Variants in RANBP10 observed in about 807,000 individuals in gnomAD.
The protein encoded by RANBP10 is ran-binding protein 10.
A neutral mutation model predicts 72.8 loss-of-function variants in RANBP10; 24 were observed. The observed-to-expected ratio is 0.33, with a 90% CI of 0.24 to 0.46. The LOEUF (loss-of-function observed/expected upper bound fraction) is 0.46, where lower values mean the gene tolerates loss of function less well. Among genes scored for constraint, RANBP10 ranks in the 20% least tolerant of loss-of-function variants. RANBP10 has a pLI of 1.00. For synonymous variants in RANBP10, 310 were observed against 322.3 expected (o/e 0.96, Z 0.41); for missense variants, 679 against 817.5 (o/e 0.83, Z 2.07).
At chr16:67,804,782 G>A (rs2055308630) in intron 2 of RANBP10, among the ~76,000 whole-genome samples, 1 of 152,088 alleles carries the variant, frequency 6.6e-6, no homozygotes, top group Admixed American at 6.6e-5. Context: ...GCCCATCTTA[G>A]CCTCCCAAAT....
At chr16:67,767,453 T>TAAAAAAAA (rs2054524233) in intron 3 of RANBP10, among the ~76,000 whole-genome samples, 1 of 62,978 alleles carries the variant, frequency 1.6e-5, no homozygotes, top group African/African-American at 1.2e-4. Context: ...AGACCCTGTT[T>TAAAAAAAA]CAAAAAAAAA....
At chr16:67,761,222 T>TATGGGCAA (rs1056668921) in intron 3 of RANBP10, among the ~76,000 whole-genome samples, 26 of 152,174 alleles carry the variant, frequency 1.7e-4, no homozygotes, top group African/African-American at 6.3e-4. Flanking sequence ...CCATGCAAAC[T>TATGGGCAA]AAGACATGCC....
chr16:67,759,632 C>A (rs118190610), intron 3 of RANBP10: 1 of 152,274 alleles, frequency 6.6e-6, no homozygotes, highest in African/African-American at 2.4e-5. Flanking sequence ...ACAGCAGACC[C>A]CTGTGAAGTA....
chr16:67,745,690 G>GC (rs1436220578), intron 3 of RANBP10, among the ~76,000 whole-genome samples: 1 of 145,834 alleles, frequency 6.9e-6, no homozygotes, highest in Non-Finnish European at 1.5e-5. Context: ...GTATACAGTT[G>GC]CATTACCACC....
At chr16:67,738,350 C>T (rs1192363135) in intron 4 of RANBP10, among the ~76,000 whole-genome samples, 1 of 151,280 alleles carries the variant, frequency 6.6e-6, no homozygotes, top group East Asian at 2.0e-4. Context: ...GTTGGCCAGG[C>T]TGGTCTTGAA....
intron 3 of RANBP10, among the ~76,000 whole-genome samples, chr16:67,757,076 C>T (rs1387971108): frequency 5.3e-5 from 8 of 150,960 alleles, no homozygotes; most frequent in Non-Finnish European, 1.0e-4. Flanking sequence ...GGCGTGGTGG[C>T]GCGTGCCTGT....
chr16:67,736,096 G>A (rs2053840874), intron 5 of RANBP10, among the ~76,000 whole-genome samples: 1 of 151,788 alleles, frequency 6.6e-6, no homozygotes, highest in Admixed American at 6.6e-5. Context: ...ACTGCAGATG[G>A]TCTTCCCAGG....
chr16:67,783,179 C>G (rs985352561), intron 2 of RANBP10, among the ~76,000 whole-genome samples: 2 of 152,176 alleles, frequency 1.3e-5, no homozygotes, highest in Non-Finnish European at 2.9e-5. Flanking sequence ...AGAGCACACA[C>G]GCAGGAGACC....
intron 13 of RANBP10, among the ~76,000 whole-genome samples, chr16:67,726,799 C>T (rs1221325613): frequency 1.3e-5 from 2 of 152,228 alleles, no homozygotes; most frequent in African/African-American, 4.8e-5. Context: ...TGGCCTAGGA[C>T]CCATCATGAA....
intron 3 of RANBP10, among the ~76,000 whole-genome samples, chr16:67,759,152 C>T (rs1411555683): frequency 2.0e-5 from 3 of 152,240 alleles, no homozygotes; most frequent in Admixed American, 1.3e-4. Flanking sequence ...CTGTTCTGGA[C>T]GGCCCTGGAA....
At chr16:67,731,149 T>C (rs2053722017) in intron 7 of RANBP10, 1 of 293,476 alleles carries the variant, frequency 3.4e-6, no homozygotes, top group Non-Finnish European at 6.6e-6. Flanking sequence ...GAACAGGAGG[T>C]TGAGAGGAAT....
chr16:67,765,046 A>G (rs888747754), intron 3 of RANBP10, among the ~76,000 whole-genome samples: 3 of 152,044 alleles, frequency 2.0e-5, no homozygotes, highest in African/African-American at 4.8e-5. Context: ...CGGTCAAAAC[A>G]GCAAACTTAG....
At chr16:67,790,634 C>T (rs924528829) in intron 2 of RANBP10, among the ~76,000 whole-genome samples, 3 of 151,722 alleles carry the variant, frequency 2.0e-5, no homozygotes, top group African/African-American at 4.9e-5. Flanking sequence ...CCAGAAGTCC[C>T]GCACTTAGCC....
rs968300116 is a variant in RANBP10 at position 67,799,489 on chromosome 16, A to G, written c.347+5939T>C. ...TTTTTAGTAGAGACGGGGTTTCACC[A>G]TGTTAGCCACGATGGTCTCGATCTC... is the stretch of plus-strand genomic sequence containing the variant. On this transcript the variant is annotated intron_variant, in intron 2 of 13. Coordinates refer to ENST00000317506, the MANE Select transcript of RANBP10 (RefSeq NM_020850.3). 2.8e-4 allele frequency among the ~76,000 whole-genome samples: 43 copies of G among 151,998 alleles called. 1 individual carries two copies. Among genetic ancestry groups the G allele is most frequent in the African/African-American group, 7.2e-4 (30 of 41,480 alleles).
In RANBP10 at chr16:67,730,036, C is replaced by A; in HGVS notation, c.900G>T (p.Lys300Asn). The change falls in exon 8 of 14, where the codon AAG (lysine) becomes AAT (asparagine). Residue 300 changes from lysine (K) to asparagine (N), a missense_variant. Lys to Asn is a moderately conservative substitution (Grantham distance 94, BLOSUM62 0). Transcript: ENST00000317506. This position sits in a 1 kb window ranked among gnomAD's most constrained non-coding sequence, Gnocchi z 4.3. ...CGCCCACACGGCCCTCCAGCACCAG[C>A]TTCTGGATCTCTGCAGGGTGCAAGA... ...ASIKNRQKIQ[K>N]LVLEGRVGEA... 1.9e-6 allele frequency: 3 copies of A among 1,612,274 alleles called. No individual in the cohort carries two copies. Among genetic ancestry groups the A allele is most frequent in the Non-Finnish European group, 2.5e-6 (3 of 1,179,992 alleles).
chr16:67,786,717 C>T (rs1361547188), intron 2 of RANBP10, among the ~76,000 whole-genome samples: 4 of 151,988 alleles, frequency 2.6e-5, no homozygotes, highest in Non-Finnish European at 5.9e-5. Context: ...CAGTTAAGGT[C>T]AGGAGTTCGA....
rs1471278049 is a variant in RANBP10 at position 67,767,480 on chromosome 16, A to G, written c.400+4554T>C. On this transcript the variant is annotated intron_variant, in intron 3 of 13. Coordinates refer to ENST00000317506, the MANE Select transcript of RANBP10 (RefSeq NM_020850.3). ...AAAAAAAAAAAAAAAAAAAAAAAAAAGCCAGGCACTGTAACTCGCGCCTAT... is the reference window on the plus strand; with the variant it reads ...AAAAAAAAAAAAAAAAAAAAAAAAAGGCCAGGCACTGTAACTCGCGCCTAT... Among the ~76,000 whole-genome samples, 12 of 143,766 alleles carry G rather than the reference A, an allele frequency of 8.3e-5. No homozygotes were observed. The East Asian group carries it at 2.4e-3, about 28-fold the overall frequency. 94.3% of individuals were successfully genotyped at this position (143,766 alleles called of 152,430 possible).
chr16:67,793,344 A>G (rs8057184), intron 2 of RANBP10, among the ~76,000 whole-genome samples: 130,401 of 146,984 alleles, frequency 0.89, 58,049 homozygotes, highest in East Asian at 1. Flanking sequence ...ATGGAGTTTC[A>G]CTTGTTTGAC....
chr16:67,796,850 A>C (rs904183180), intron 2 of RANBP10, among the ~76,000 whole-genome samples: 2 of 152,148 alleles, frequency 1.3e-5, no homozygotes, highest in Admixed American at 1.3e-4. Context: ...GCTCTGTTCC[A>C]CCACCAAGTC....
Sources: gnomAD v4.1 joint callset for allele counts (sites outside exome capture counted in the v4.1 genomes callset) on GRCh38, gnomAD v4.1.1 for gene constraint, Gnocchi (gnomAD v3.1) non-coding constraint, MANE v1.5 for transcripts, NCBI Gene and HGNC (gene_info 2026-07-23, HGNC 2026-07-21) for gene names.